Variants in IQCH observed in about 807,000 individuals in gnomAD.
The protein encoded by IQCH is IQ domain-containing protein H.
A neutral mutation model predicts 117.0 loss-of-function variants in IQCH; 98 were observed. The observed-to-expected ratio is 0.84, with a 90% confidence interval of 0.71 to 0.99. The LOEUF (loss-of-function observed/expected upper bound fraction) is 0.99, where lower values mean the gene tolerates loss of function less well. Ranked by LOEUF, IQCH falls within the 50% of genes least tolerant of loss-of-function variation. The pLI is 0.00. For synonymous variants in IQCH, 412 were observed against 448.2 expected, an observed-to-expected ratio of 0.92 and a Z score of 1.02; for missense variants, 1,102 against 1,243.8, an observed-to-expected ratio of 0.89 and a Z score of 1.72.
rs1351439317 is a variant in IQCH at position 67,424,549 on chromosome 15, C to T, written c.2505+2972C>T. Among the ~76,000 whole-genome samples the T allele has an allele frequency of 6.6e-6, 1 of 152,220 alleles. No homozygotes were observed. Among genetic ancestry groups the T allele is most frequent in the Non-Finnish European group, 1.5e-5 (1 of 68,030 alleles). ...TCCCCCACTGTATTCTCAGCACTTA[C>T]TTCTGTCCTGGCACAAAGTAGGTAT... On this transcript the variant is annotated intron_variant, in intron 16 of 20. Coordinates refer to ENST00000335894, the MANE Select transcript of IQCH (RefSeq NM_001031715.3). This position sits in a 1 kb window ranked among gnomAD's most constrained non-coding sequence, Gnocchi z 4.9.
Position 67,400,195 on chromosome 15 carries a change from G to A in IQCH, c.1987G>A (p.Gly663Arg). Residue 663 changes from glycine to arginine, a missense_variant, in exon 14 of 21, where the codon GGA becomes AGA. This residue lies in a region of IQCH where 650 missense variants were observed against 794.3 expected (regional missense o/e 0.82). Transcript: ENST00000335894. ...WLFKMDSEFRGNGTAFCDIPS... is the reference protein window; with the variant it reads ...WLFKMDSEFRRNGTAFCDIPS... Reference sequence around the variant, plus strand: ...CTTTAAAATGGACTCTGAGTTCCGAGGAAATGGGACTGCATTTTGTGATAT... The same window carrying A: ...CTTTAAAATGGACTCTGAGTTCCGAAGAAATGGGACTGCATTTTGTGATAT... 4.3e-6 allele frequency: 7 copies of A among 1,613,812 alleles called. No individual in the cohort carries two copies. Among genetic ancestry groups the A allele is most frequent in the Non-Finnish European group, 5.9e-6 (7 of 1,179,806 alleles).
rs187999755 is a variant in IQCH, at chr15:67,341,738, C to T, written c.509-2325C>T. ...TTAGCTTATTAATTAAGTGAGGGAG[C>T]TAGTAAGATGTTACAGTAAATTCAA... On this transcript the variant is annotated intron_variant, in intron 5 of 20. Transcript: ENST00000335894. Among the ~76,000 whole-genome samples, 60 of 152,112 alleles carry T rather than the reference C, an allele frequency of 3.9e-4. 1 individual carries two copies. Among genetic ancestry groups the T allele is most frequent in the Non-Finnish European group, 8.4e-4 (57 of 67,982 alleles).
chr15:67,487,399 G>A (rs1054648956), intron 18 of IQCH, among the ~76,000 whole-genome samples: 1 of 149,406 alleles, frequency 6.7e-6, no homozygotes, highest in Admixed American at 6.7e-5. Context: ...GGCAAGTGAG[G>A]CACTCTTCCT....
In IQCH at chr15:67,381,459, G is replaced by T. The variant is rs1970926522; in HGVS notation, c.1373-3477G>T. ...ACTAGGAATATTTTGCGGGAAATGAGAATGGCCATAAGAAAAGAGGCTGTG... is the reference window on the plus strand; with the variant it reads ...ACTAGGAATATTTTGCGGGAAATGATAATGGCCATAAGAAAAGAGGCTGTG... On this transcript the variant is annotated intron_variant, in intron 10 of 20. Transcript: ENST00000335894. The surrounding 1 kb of genome is among the most constrained non-coding windows in gnomAD (Gnocchi z 5.1). Among the ~76,000 whole-genome samples the T allele has an allele frequency of 6.6e-6, 1 of 152,180 alleles. No homozygotes were observed. The highest frequency in any genetic ancestry group is 2.4e-5 in the African/African-American group (1 of 41,450).
Position 67,365,788 on chromosome 15 carries a change from G to A in IQCH, c.753+5903G>A, listed in dbSNP as rs1970311049. ...CTACTAAAAATATAAAAGTTAGCCGGGTGTGGTGGCGCGTGCCTGTAATCC... is the reference window on the plus strand; with the variant it reads ...CTACTAAAAATATAAAAGTTAGCCGAGTGTGGTGGCGCGTGCCTGTAATCC... On this transcript the variant is annotated intron_variant, in intron 8 of 20. Coordinates refer to ENST00000335894, the MANE Select transcript of IQCH (RefSeq NM_001031715.3). The surrounding 1 kb of genome is among the most constrained non-coding windows in gnomAD (Gnocchi z 4.4). Among the ~76,000 whole-genome samples, 1 of 152,080 alleles carries A rather than the reference G, an allele frequency of 6.6e-6. No homozygotes were observed. Among genetic ancestry groups the A allele is most frequent in the Non-Finnish European group, 1.5e-5 (1 of 68,012 alleles).
rs6494651 is a variant in IQCH at position 67,381,073 on chromosome 15, A to G, written c.1373-3863A>G. 1 allele frequency among the ~76,000 whole-genome samples: 151,646 copies of G among 152,362 alleles called. 75,475 individuals carry two copies. The highest frequency in any genetic ancestry group is 1 in the Non-Finnish European group (68,042 of 68,042). Reference sequence around the variant, plus strand: ...GCAACAACAGGGGCCTGTCACAGAGACATGCACCAGTGCCAAGGGGGCTCA... The same window carrying G: ...GCAACAACAGGGGCCTGTCACAGAGGCATGCACCAGTGCCAAGGGGGCTCA... On this transcript the variant is annotated intron_variant, in intron 10 of 20. Coordinates refer to ENST00000335894, the MANE Select transcript of IQCH (RefSeq NM_001031715.3). This position sits in a 1 kb window ranked among gnomAD's most constrained non-coding sequence, Gnocchi z 5.1.
At position 67,254,931 on chromosome 15, in the gene IQCH, G is replaced by A; in HGVS notation, c.35G>A (p.Gly12Glu). 3 of 1,613,774 alleles carry A rather than the reference G, an allele frequency of 1.9e-6. No homozygotes were observed. The highest frequency in any genetic ancestry group is 2.2e-5 in the South Asian group (2 of 91,034). The change falls in exon 1 of 21, where the codon GGA (glycine) becomes GAA (glutamate). Residue 12 changes from glycine (G) to glutamate (E), a missense_variant. Gly to Glu is a moderately conservative substitution (Grantham distance 98). Around this residue, in one of 2 missense-constraint regions of IQCH, gnomAD observed 452 missense variants for 449.6 expected, o/e 1.01. Coordinates refer to ENST00000335894, the MANE Select transcript of IQCH (RefSeq NM_001031715.3). The stretch of plus-strand genomic sequence containing the variant: ...AACACTGAAAACCACGACCCTGTCG[G>A]ATCCATCTTAATCCAGGTGGGAAAC... ...AQNTENHDPV[G>E]SILIQIHEDL...
In IQCH at chr15:67,376,813, T is replaced by C. The variant is rs1381004803; in HGVS notation, c.1372+3380T>C. The stretch of plus-strand genomic sequence containing the variant: ...AGTAAGACAATTAAACATTGTGGAG[T>C]AACCTCTTTGAAAGGAGGACTTAGG... On this transcript the variant is annotated intron_variant, in intron 10 of 20. Transcript: ENST00000335894. This position sits in a 1 kb window ranked among gnomAD's most constrained non-coding sequence, Gnocchi z 5.0. Among the ~76,000 whole-genome samples the C allele has an allele frequency of 1.3e-5, 2 of 151,950 alleles. No individual in the cohort carries two copies. The highest frequency in any genetic ancestry group is 2.9e-5 in the Non-Finnish European group (2 of 67,976).
Position 67,344,106 on chromosome 15 carries a change from A to G in IQCH, c.552A>G (p.Ala184=). ...MIERGLIPPT[A]RITFQNPPIT... ...AACGAGGGCTGATTCCACCAACAGC[A>G]AGGATTACCTTTCAGAATCCACCCA... is the stretch of plus-strand genomic sequence containing the variant. Residue 184 remains alanine (A), a synonymous_variant, in exon 6 of 21, where the codon GCA becomes GCG. Coordinates refer to ENST00000335894, the MANE Select transcript of IQCH (RefSeq NM_001031715.3). 6.2e-7 allele frequency: 1 copy of G among 1,613,236 alleles called. No homozygotes were observed. The highest frequency in any genetic ancestry group is 8.5e-7 in the Non-Finnish European group (1 of 1,179,250).
chr15:67,400,246 TG>T lies in IQCH; in HGVS notation c.2041del (p.Val681CysfsTer2). 2 of 1,613,688 alleles carry T rather than the reference TG, an allele frequency of 1.2e-6. No homozygotes were observed. Among genetic ancestry groups the T allele is most frequent in the Non-Finnish European group, 1.7e-6 (2 of 1,179,768 alleles). ...TCCTTCCTACCTAAAGTGCTACAAA[TG>T]GGTGCTAAAGGAGAGTAGCAGATAT... Reference protein sequence around the residue: ...DIPSYLKCYKWVLKESSRYGL... With the variant: ...DIPSYLKCYKXVLKESSRYGL... On this transcript the variant is annotated frameshift_variant, in exon 14 of 21. Coordinates refer to ENST00000335894, the MANE Select transcript of IQCH (RefSeq NM_001031715.3). LOFTEE classifies it high-confidence loss of function.
chr15:67,283,262 C>T (rs1050997891), intron 4 of IQCH, among the ~76,000 whole-genome samples: 5 of 152,138 alleles, frequency 3.3e-5, no homozygotes, highest in African/African-American at 9.7e-5. Context: ...GTGTTAACAG[C>T]GGGTTGTATT....
In IQCH at chr15:67,388,722, G is replaced by A; in HGVS notation, c.1457-109G>A. ...CCAAACTAAATTAACCTTAACCTGG[G>A]TTTTGGATATGCTCTTTATTTTAAA... On this transcript the variant is annotated intron_variant, in intron 11 of 20. Transcript: ENST00000335894. The surrounding 1 kb of genome is among the most constrained non-coding windows in gnomAD (Gnocchi z 5.5). 1.1e-6 allele frequency: 1 copy of A among 945,412 alleles called. No homozygotes were observed. Among genetic ancestry groups the A allele is most frequent in the Non-Finnish European group, 1.6e-6 (1 of 627,202 alleles). 58.6% of individuals were successfully genotyped at this position (945,412 alleles called of 1,614,324 possible).
chr15:67,471,008 C>CT (rs1054995559), intron 17 of IQCH, among the ~76,000 whole-genome samples: 7 of 151,902 alleles, frequency 4.6e-5, no homozygotes, highest in Admixed American at 3.3e-4. Context: ...GTTCTCATTT[C>CT]TTTTTTTTCA....
chr15:67,441,000 A>G (rs2082254184), intron 16 of IQCH, among the ~76,000 whole-genome samples: 1 of 152,080 alleles, frequency 6.6e-6, no homozygotes, highest in African/African-American at 2.4e-5. Context: ...TAGAACTGAT[A>G]AAAGAATTCA....
intron 4 of IQCH, among the ~76,000 whole-genome samples, chr15:67,312,425 CT>C (rs1967643842): frequency 6.6e-6 from 1 of 152,074 alleles, no homozygotes; most frequent in Admixed American, 6.6e-5. Context: ...TAGATCTTTT[CT>C]TTCACGCAAA....
chr15:67,355,765 A>G (rs542310821), intron 6 of IQCH, among the ~76,000 whole-genome samples: 2 of 152,176 alleles, frequency 1.3e-5, no homozygotes, highest in South Asian at 2.1e-4. Context: ...AAAAATGCAG[A>G]CACATTCCTC....
At chr15:67,374,829 A>T (rs1970682786) in intron 10 of IQCH, among the ~76,000 whole-genome samples, 1 of 152,236 alleles carries the variant, frequency 6.6e-6, no homozygotes, top group Admixed American at 6.5e-5. Context: ...AGACCTCATT[A>T]GTTGACTTGA....
rs1428666762 is a variant in IQCH, at chr15:67,427,630, C to T, written c.2505+6053C>T. ...CTTATTTTGCATCTGAGGTAACCTA[C>T]AGTTCAAAACAGTCTTTATTTCAAT... On this transcript the variant is annotated intron_variant, in intron 16 of 20. Coordinates refer to ENST00000335894, the MANE Select transcript of IQCH (RefSeq NM_001031715.3). The surrounding 1 kb of genome is among the most constrained non-coding windows in gnomAD (Gnocchi z 4.7). Among the ~76,000 whole-genome samples the T allele has an allele frequency of 1.3e-5, 2 of 152,100 alleles. No individual in the cohort carries two copies. The highest frequency in any genetic ancestry group is 2.9e-5 in the Non-Finnish European group (2 of 68,022).
At chr15:67,477,044 C>CTTT (rs71455553) in intron 18 of IQCH, among the ~76,000 whole-genome samples, 1,592 of 71,186 alleles carry the variant, frequency 0.022, 2 homozygotes, top group African/African-American at 0.029. Context: ...TCTTTTTCTT[C>CTTT]TTTTTTTTTT....
Sources: gnomAD v4.1 joint callset for allele counts (sites outside exome capture counted in the v4.1 genomes callset) on GRCh38, gnomAD v4.1.1 for gene constraint, gnomAD v4.1.1 regional missense constraint, Gnocchi (gnomAD v3.1) non-coding constraint, MANE v1.5 for transcripts, NCBI Gene and HGNC (gene_info 2026-07-23, HGNC 2026-07-21) for gene names.